Variants in METTL22 observed in about 807,000 individuals in gnomAD.
METTL22 encodes methyltransferase 22, Kin17 lysine.
A neutral mutation model predicts 48.4 loss-of-function variants in METTL22; 51 were observed. The ratio of observed to expected loss-of-function variants is 1.05; its 90% CI spans 0.84 to 1.33. The LOEUF is 1.33. Ranked by LOEUF, METTL22 falls within the 40% of genes most tolerant of loss-of-function variation. METTL22 has a pLI of 0.00. For synonymous variants in METTL22, 255 were observed against 214.1 expected (o/e 1.19, Z -1.67); for missense variants, 678 against 526.9 (o/e 1.29, Z -2.81).
rs1413014289 is a variant in METTL22, at chr16:8,635,410, G to A, written c.700+98G>A. The A allele has an allele frequency of 1.6e-5, 23 of 1,404,530 alleles. No individual in the cohort carries two copies. The Admixed American group carries it at 5.7e-4, about 35-fold the overall frequency. The allele number at this position is 1,404,530 out of a possible 1,614,324, so 87.0% of individuals were successfully genotyped here. On this transcript the variant is annotated intron_variant, in intron 5 of 10. Coordinates refer to ENST00000381920, the MANE Select transcript of METTL22 (RefSeq NM_024109.4). ...GAGGCAGAGGCACTGGAAATTGGAT[G>A]TTAGCTGTTGTTGATTTTGCCATCC...
intron 1 of METTL22, 78 bp from the exon 2 acceptor site, chr16:8,625,418 A>G (rs1027672981): frequency 1.3e-5 from 4 of 319,226 alleles, no homozygotes; most frequent in Admixed American, 9.5e-5. Flanking sequence ...GAAAATGAAT[A>G]TAATGAATAT....
chr16:8,642,350 G>A (rs2056646757), intron 8 of METTL22, 113 bp from the exon 9 acceptor site: 1 of 1,265,072 alleles, frequency 7.9e-7, no homozygotes, highest in African/African-American at 1.5e-5. Flanking sequence ...AATTCTGGAA[G>A]CTGCTGCTGT....
rs182572503 is a variant in METTL22, at chr16:8,629,388, C to T, written c.514+278C>T. Among the ~76,000 whole-genome samples, 58 of 152,306 alleles carry T rather than the reference C, an allele frequency of 3.8e-4. 1 individual carries two copies. Among genetic ancestry groups the T allele is most frequent in the African/African-American group, 1.4e-3 (57 of 41,568 alleles). On this transcript the variant is annotated intron_variant, in intron 3 of 10. Transcript: ENST00000381920. Reference sequence around the variant, plus strand: ...GCTCCCTTAACATGTTCCCCATTGCCGTACAGTTTCCAGCTCAGCCACACC... The same window carrying T: ...GCTCCCTTAACATGTTCCCCATTGCTGTACAGTTTCCAGCTCAGCCACACC...
At chr16:8,640,352 C>T (rs1035626752) in intron 6 of METTL22, among the ~76,000 whole-genome samples, 1 of 152,030 alleles carries the variant, frequency 6.6e-6, no homozygotes, top group African/African-American at 2.4e-5. Context: ...CACAGTCTTG[C>T]CGTTGTTGGT....
At chr16:8,655,803 C>T in the METTL22 span, among the ~76,000 whole-genome samples, 1 of 152,240 alleles carries the variant, frequency 6.6e-6, no homozygotes, top group African/African-American at 2.4e-5. Context: ...AGGTGCTCTT[C>T]TAAACAAAGC....
At chr16:8,632,395 C>T (rs994969524) in intron 3 of METTL22, among the ~76,000 whole-genome samples, 5 of 152,200 alleles carry the variant, frequency 3.3e-5, no homozygotes, top group Admixed American at 6.5e-5. Context: ...ATATGGGTCT[C>T]ACTTTGCACT....
intron 5 of METTL22, 39 bp from the exon 6 acceptor site, chr16:8,639,051 TA>T (rs1256479407): frequency 5.6e-6 from 9 of 1,601,906 alleles, no homozygotes; most frequent in Non-Finnish European, 7.7e-6. Context: ...AAAAGTGTCG[TA>T]GTGGCTGGCA....
At chr16:8,652,069 A>G (rs2056907339), downstream of METTL22, among the ~76,000 whole-genome samples, 1 of 152,216 alleles carries the variant, frequency 6.6e-6, no homozygotes, top group African/African-American at 2.4e-5. Flanking sequence ...TGCTGATCCC[A>G]GCTCCACTCC....
At chr16:8,653,197 C>G (rs538951324), downstream of METTL22, among the ~76,000 whole-genome samples, 108 of 152,352 alleles carry the variant, frequency 7.1e-4, no homozygotes, top group African/African-American at 2.5e-3. Context: ...ATTTGCTTTT[C>G]TAACACTAGT....
rs2056859948 is a variant in METTL22, at chr16:8,649,485, GGGAAAGAACT to G, written c.*3344_*3353del. ...TTGGCTGTTCAGCTGCAGCCTGCAT[GGGAAAGAACT>G]GTTAAAACCAACAAAGCCAGGCACA... On this transcript the variant is annotated 3_prime_UTR_variant, in exon 11 of 11. Coordinates refer to ENST00000381920, the MANE Select transcript of METTL22 (RefSeq NM_024109.4). The G allele has an allele frequency of 6.6e-6, 1 of 152,094 alleles. No individual in the cohort carries two copies. Among genetic ancestry groups the G allele is most frequent in the South Asian group, 2.1e-4 (1 of 4,816 alleles). 9.4% of individuals were successfully genotyped at this position (152,094 alleles called of 1,614,324 possible).
At chr16:8,629,243 G>C (rs1001514021) in intron 3 of METTL22, 133 bp downstream of exon 3, 52 of 1,185,054 alleles carry the variant, frequency 4.4e-5, no homozygotes, top group Non-Finnish European at 7.1e-6. Flanking sequence ...GCTCGGGTGA[G>C]ACTGGGGAAG....
Position 8,636,885 on chromosome 16 carries a change from T to C in METTL22, c.700+1573T>C, listed in dbSNP as rs1385922301. Among the ~76,000 whole-genome samples the C allele has an allele frequency of 2.0e-5, 3 of 152,208 alleles. No homozygotes were observed. The South Asian group carries it at 6.2e-4, about 32-fold the overall frequency. On this transcript the variant is annotated intron_variant, in intron 5 of 10. Transcript: ENST00000381920. ...TTTTAGTATTTAATTTTGAAATAATTTCAGACTCAAAAGGAGTTGTTAAAA... is the reference window on the plus strand; with the variant it reads ...TTTTAGTATTTAATTTTGAAATAATCTCAGACTCAAAAGGAGTTGTTAAAA...
At chr16:8,654,404 C>G (rs539417621), downstream of METTL22, among the ~76,000 whole-genome samples, 22 of 152,310 alleles carry the variant, frequency 1.4e-4, 2 homozygotes, top group South Asian at 4.3e-3. Flanking sequence ...TGATTAACCC[C>G]AGGGCATGGA....
the METTL22 span, among the ~76,000 whole-genome samples, chr16:8,656,992 G>A: frequency 6.6e-6 from 1 of 152,180 alleles, no homozygotes; most frequent in Non-Finnish European, 1.5e-5. Flanking sequence ...CCACTCTGGT[G>A]ATAACAGGAT....
the METTL22 span, among the ~76,000 whole-genome samples, chr16:8,661,644 C>CA: frequency 0.9 from 99,549 of 110,574 alleles, 45,595 homozygotes; most frequent in East Asian, 0.99. Flanking sequence ...GACTCCGTCT[C>CA]AAAAAAAAAA....
At chr16:8,666,305 T>G in the METTL22 span, among the ~76,000 whole-genome samples, 1 of 152,154 alleles carries the variant, frequency 6.6e-6, no homozygotes, top group Non-Finnish European at 1.5e-5. Flanking sequence ...TGTTCCCCAA[T>G]GGAACGGAGC....
chr16:8,641,288 C>T, intron 7 of METTL22, 104 bp downstream of exon 7: 1 of 1,132,972 alleles, frequency 8.8e-7, no homozygotes, highest in Non-Finnish European at 1.3e-6. Context: ...GTCCCAGCTG[C>T]TGCCACAGTC....
the METTL22 span, among the ~76,000 whole-genome samples, chr16:8,659,717 G>A: frequency 6.8e-6 from 1 of 147,786 alleles, no homozygotes; most frequent in African/African-American, 2.6e-5. Context: ...TGATTAGGGC[G>A]CAAGGACTTC....
chr16:8,636,532 A>G (rs372775937), intron 5 of METTL22, among the ~76,000 whole-genome samples: 6 of 137,434 alleles, frequency 4.4e-5, no homozygotes, highest in African/African-American at 1.7e-4. Context: ...AAAAAAAAAA[A>G]AAAAAAACAA....
Sources: allele counts gnomAD v4.1 joint callset (sites outside exome capture counted in the v4.1 genomes callset), GRCh38; gene constraint gnomAD v4.1.1; transcripts MANE v1.5; gene names NCBI Gene and HGNC (gene_info 2026-07-23, HGNC 2026-07-21).